Variants in RAD17 observed in about 807,000 individuals in gnomAD.
RAD17 encodes the protein cell cycle checkpoint protein RAD17.
Under a neutral mutation model 81.5 loss-of-function variants are expected in RAD17, and 31 were observed. That is an observed-to-expected ratio of 0.38 (90% confidence interval 0.29 to 0.51). The LOEUF is 0.51. RAD17 is among the 20% of genes least tolerant of loss of function. The pLI is 0.88. For missense variants in RAD17, 681 were observed against 781.2 expected, an observed-to-expected ratio of 0.87 and a Z score of 1.53; for synonymous variants, 261 against 266.2, an observed-to-expected ratio of 0.98 and a Z score of 0.19.
At position 69,386,264 on chromosome 5, in the gene RAD17, T is replaced by C; in HGVS notation, c.783T>C (p.Phe261=). The part of the protein sequence containing the change: ...LSGDNNQRLL[F]PKEIQEECSI... ...GAGATAATAATCAAAGGTTATTGTT[T>C]CCCAAAGAAATTCAGGAAGAGTGTT... The change falls in exon 10 of 19, where the codon TTT becomes TTC. Residue 261 remains phenylalanine, a synonymous_variant. Transcript: ENST00000354868. 1 of 1,606,528 alleles carries C rather than the reference T, an allele frequency of 6.2e-7. No homozygotes were observed. The highest frequency in any genetic ancestry group is 1.1e-5 in the South Asian group (1 of 89,208).
At chr5:69,379,644 AT>A (rs1160958348) in intron 6 of RAD17, among the ~76,000 whole-genome samples, 8 of 151,904 alleles carry the variant, frequency 5.3e-5, no homozygotes, top group Admixed American at 1.3e-4. Flanking sequence ...TTTTTTTTGT[AT>A]TTAAAAAAAA....
chr5:69,412,812 A>T (rs1050210076), intron 18 of RAD17, among the ~76,000 whole-genome samples: 1 of 151,998 alleles, frequency 6.6e-6, no homozygotes, highest in Non-Finnish European at 1.5e-5. Context: ...AACATGGTGA[A>T]ACCCTATCTC....
chr5:69,398,625 G>A (rs1765050284), intron 16 of RAD17, among the ~76,000 whole-genome samples: 1 of 151,934 alleles, frequency 6.6e-6, no homozygotes, highest in African/African-American at 2.4e-5. Context: ...GACTAACATG[G>A]TGAAACCCCA....
chr5:69,386,436 A>T lies in RAD17; in HGVS notation c.865A>T (p.Asn289Tyr), dbSNP rs1764217114. Residue 289 changes from asparagine to tyrosine, a missense_variant, in exon 11 of 19, where the codon AAT becomes TAT. Transcript: ENST00000354868. Reference sequence around the variant, plus strand: ...ACCAACAATTATGATGAAATTTCTTAATCGAATAGTGACTATAGAAGCTAA... The same window carrying T: ...ACCAACAATTATGATGAAATTTCTTTATCGAATAGTGACTATAGAAGCTAA... ...VAPTIMMKFL[N>Y]RIVTIEANKN... 6.2e-7 allele frequency: 1 copy of T among 1,600,070 alleles called. No individual in the cohort carries two copies. The highest frequency in any genetic ancestry group is 1.3e-5 in the African/African-American group (1 of 74,442).
chr5:69,396,570 G>A (rs981569956), intron 16 of RAD17, 24 bp downstream of exon 16: 1 of 1,174,344 alleles, frequency 8.5e-7, no homozygotes, highest in Non-Finnish European at 1.2e-6. Context: ...AAAAAATTCT[G>A]TACTTTCAAT....
chr5:69,391,341 G>A (rs770201149), intron 12 of RAD17, among the ~76,000 whole-genome samples: 6 of 152,076 alleles, frequency 3.9e-5, no homozygotes, highest in South Asian at 4.1e-4. Context: ...AAACCAAGGC[G>A]ATGTGACTGT....
chr5:69,372,430 G>A (rs746167687), intron 4 of RAD17, among the ~76,000 whole-genome samples: 8 of 152,120 alleles, frequency 5.3e-5, no homozygotes, highest in Non-Finnish European at 1.0e-4. Flanking sequence ...TAGCTCAACT[G>A]TGGCTGAGTA....
At chr5:69,399,634 A>G (rs1294882336) in intron 16 of RAD17, among the ~76,000 whole-genome samples, 1 of 152,198 alleles carries the variant, frequency 6.6e-6, no homozygotes, top group African/African-American at 2.4e-5. Flanking sequence ...ATTATCTAAG[A>G]CTGTTAGCTT....
chr5:69,369,378 G>T (rs993007574), upstream of RAD17: 12 of 1,513,428 alleles, frequency 7.9e-6, no homozygotes, highest in African/African-American at 1.6e-4. Flanking sequence ...GGCAGTGAGG[G>T]GCCCCCACCT....
At chr5:69,392,757 G>A (rs755971951) in intron 13 of RAD17, 19 of 434,302 alleles carry the variant, frequency 4.4e-5, no homozygotes, top group Admixed American at 1.5e-4. Flanking sequence ...TACGTTTATC[G>A]TCTCTTGCAT....
intron 17 of RAD17, among the ~76,000 whole-genome samples, chr5:69,405,551 C>T (rs12657358): frequency 0.037 from 5,626 of 152,126 alleles, 233 homozygotes; most frequent in South Asian, 0.15. Flanking sequence ...CCTGTAATCC[C>T]AGCTACTTGG....
At chr5:69,378,523 T>G (rs1219937811) in intron 6 of RAD17, among the ~76,000 whole-genome samples, 2 of 152,226 alleles carry the variant, frequency 1.3e-5, no homozygotes, top group Non-Finnish European at 2.9e-5. Context: ...CTGTCTGGTA[T>G]TGTAGTTCTC....
At position 69,414,352 on chromosome 5, in the gene RAD17, A is replaced by C; in HGVS notation, c.*60A>C. The stretch of plus-strand genomic sequence containing the variant: ...CTTCATTTTTGTTTCATTCAGTGGT[A>C]CTTCAGCAGAGTTAATATGCTTTTC... On this transcript the variant is annotated 3_prime_UTR_variant, in exon 19 of 19. Coordinates refer to ENST00000354868, the MANE Select transcript of RAD17 (RefSeq NM_133338.3). The C allele has an allele frequency of 6.5e-7, 1 of 1,528,330 alleles. No individual in the cohort carries two copies. The highest frequency in any genetic ancestry group is 1.2e-5 in the South Asian group (1 of 86,252). 94.7% of individuals were successfully genotyped at this position (1,528,330 alleles called of 1,614,324 possible). A position where few individuals can be genotyped will look rare whatever the true frequency, so the allele number is the denominator to read the frequency against.
chr5:69,383,010 C>G (rs1400563054), intron 7 of RAD17, among the ~76,000 whole-genome samples: 1 of 152,078 alleles, frequency 6.6e-6, no homozygotes, highest in African/African-American at 2.4e-5. Flanking sequence ...TCTCGAACTC[C>G]TGGCCTCAAG....
intron 6 of RAD17, among the ~76,000 whole-genome samples, chr5:69,377,004 TCGGCTTC>T (rs1267791757): frequency 6.6e-6 from 1 of 152,162 alleles, no homozygotes; most frequent in Non-Finnish European, 1.5e-5. Context: ...TTTACCCGCC[TCGGCTTC>T]CCTAAGTGCT....
At position 69,414,737 on chromosome 5, in the gene RAD17, A is replaced by G. The variant is rs1167350708; in HGVS notation, c.*445A>G. On this transcript the variant is annotated 3_prime_UTR_variant, in exon 19 of 19. Transcript: ENST00000354868. ...TAGTTTTGATGTGTTGTACAGTGGAATATCTTAGATACTTTTTGGAAAGTA... is the reference window on the plus strand; with the variant it reads ...TAGTTTTGATGTGTTGTACAGTGGAGTATCTTAGATACTTTTTGGAAAGTA... 5.8e-6 allele frequency: 1 copy of G among 173,636 alleles called. No individual in the cohort carries two copies. Among genetic ancestry groups the G allele is most frequent in the Non-Finnish European group, 1.2e-5 (1 of 80,796 alleles). The allele number at this position is 173,636 out of a possible 1,614,324, so 10.8% of individuals were successfully genotyped here.
At chr5:69,369,487 A>G, upstream of RAD17, 1 of 1,611,392 alleles carries the variant, frequency 6.2e-7, no homozygotes, top group Non-Finnish European at 8.5e-7. Context: ...TTCGGAAGCA[A>G]CATGGTCCCC....
intron 16 of RAD17, among the ~76,000 whole-genome samples, chr5:69,397,063 A>G (rs769539650): frequency 6.6e-6 from 1 of 151,976 alleles, no homozygotes; most frequent in Non-Finnish European, 1.5e-5. Flanking sequence ...CGATCTTTGG[A>G]CCTCATGATC....
intron 11 of RAD17, among the ~76,000 whole-genome samples, chr5:69,387,975 A>C (rs963146042): frequency 2.0e-5 from 3 of 152,206 alleles, no homozygotes; most frequent in African/African-American, 7.2e-5. Context: ...GCAGTGATCT[A>C]GATGAAATGA....
Sources: gnomAD v4.1 joint callset for allele counts (sites outside exome capture counted in the v4.1 genomes callset) on GRCh38, gnomAD v4.1.1 for gene constraint, MANE v1.5 for transcripts, NCBI Gene and HGNC (gene_info 2026-07-23, HGNC 2026-07-21) for gene names.